NEDD9: variants seen among roughly 807,000 people sequenced by gnomAD.
NEDD9 encodes the protein enhancer of filamentation 1.
In NEDD9, 26 loss-of-function variants were observed where a neutral mutation model predicts 76.6. The ratio of observed to expected loss-of-function variants is 0.34; its 90% CI spans 0.25 to 0.47. NEDD9 has a LOEUF of 0.47. NEDD9 is among the 20% of genes least tolerant of loss of function. The probability of loss-of-function intolerance (pLI) is 1.00; values close to 1 mark genes in which losing one functional copy is unlikely to be tolerated. For missense variants in NEDD9, 937 were observed against 1,058.5 expected (o/e 0.89, Z 1.59); for synonymous variants, 392 against 414.2 (o/e 0.95, Z 0.65).
chr6:11,265,408 G>A (rs1019245618), intron 3 of NEDD9, among the ~76,000 whole-genome samples: 4 of 152,166 alleles, frequency 2.6e-5, no homozygotes, highest in Non-Finnish European at 1.5e-5. Context: ...CTTGAATATT[G>A]CTACAGTATT....
chr6:11,199,298 A>G (rs1758367527), intron 2 of NEDD9: 1 of 152,224 alleles, frequency 6.6e-6, no homozygotes, highest in Non-Finnish European at 1.5e-5. Flanking sequence ...GTAATTGACA[A>G]ACAGAAGCTG....
intron 3 of NEDD9, among the ~76,000 whole-genome samples, chr6:11,287,099 C>T (rs4713339): frequency 0.12 from 18,328 of 152,052 alleles, 1,663 homozygotes; most frequent in African/African-American, 0.25. Flanking sequence ...TGTAGTTTAT[C>T]GTATGTCAGT....
chr6:11,297,913 T>TTC (rs974411054), intron 3 of NEDD9, among the ~76,000 whole-genome samples: 2 of 148,360 alleles, frequency 1.3e-5, no homozygotes, highest in Admixed American at 6.7e-5. Context: ...TTTCTTTTCT[T>TTC]TTTTTTTTTT....
chr6:11,209,085 C>T (rs1758696618), intron 2 of NEDD9, among the ~76,000 whole-genome samples: 1 of 152,166 alleles, frequency 6.6e-6, no homozygotes, highest in South Asian at 2.1e-4. Flanking sequence ...ATATAACCTA[C>T]ATACTGTTTT....
intron 1 of NEDD9, among the ~76,000 whole-genome samples, chr6:11,381,380 A>T (rs183341560): frequency 1.3e-5 from 2 of 152,260 alleles, no homozygotes; most frequent in East Asian, 3.9e-4. Flanking sequence ...ATTATGTATA[A>T]CCCTTTCAGA....
At chr6:11,322,257 T>C (rs562056136) in intron 2 of NEDD9, among the ~76,000 whole-genome samples, 19 of 152,120 alleles carry the variant, frequency 1.2e-4, no homozygotes, top group Admixed American at 3.9e-4. Flanking sequence ...GACGGGTTGA[T>C]AGGTGCAGCA....
chr6:11,328,296 G>C (rs1002424098), intron 2 of NEDD9, among the ~76,000 whole-genome samples: 2 of 152,174 alleles, frequency 1.3e-5, no homozygotes, highest in African/African-American at 2.4e-5. Flanking sequence ...AATGTCAAAA[G>C]TATCTCCACT....
chr6:11,305,289 T>A (rs546567838), intron 3 of NEDD9: 50 of 474,458 alleles, frequency 1.1e-4, no homozygotes, highest in African/African-American at 9.6e-4. Context: ...CACCATTTTA[T>A]AAACACAGAA....
intron 1 of NEDD9, among the ~76,000 whole-genome samples, chr6:11,377,498 G>A (rs1762987692): frequency 6.6e-6 from 1 of 152,220 alleles, no homozygotes; most frequent in South Asian, 2.1e-4. Context: ...ACCCTGCTAG[G>A]TTTCAGATTT....
chr6:11,212,956 C>T (rs1355720836), intron 2 of NEDD9, among the ~76,000 whole-genome samples: 5 of 152,252 alleles, frequency 3.3e-5, no homozygotes, highest in South Asian at 2.1e-4. Flanking sequence ...AGATAGGAAA[C>T]GATCTGAGCA....
chr6:11,232,432 C>T (rs1561799959), intron 1 of NEDD9, 72 bp downstream of exon 1: 11 of 1,573,442 alleles, frequency 7.0e-6, no homozygotes, highest in Non-Finnish European at 7.9e-6. Context: ...GTAAGGAACA[C>T]GCATACACAA....
At chr6:11,380,981 T>C (rs1582059312) in intron 1 of NEDD9, among the ~76,000 whole-genome samples, 1 of 152,248 alleles carries the variant, frequency 6.6e-6, no homozygotes, top group East Asian at 1.9e-4. Flanking sequence ...GCTATCTTGT[T>C]TAAGTGGTGA....
intron 2 of NEDD9, among the ~76,000 whole-genome samples, chr6:11,309,809 C>T (rs566979352): frequency 1.3e-5 from 2 of 152,166 alleles, no homozygotes; most frequent in South Asian, 2.1e-4. Context: ...CTGCTAATAA[C>T]ATCAGTAGAG....
intron 3 of NEDD9, among the ~76,000 whole-genome samples, chr6:11,271,244 C>T (rs529563180): frequency 1.3e-5 from 2 of 152,144 alleles, no homozygotes; most frequent in Admixed American, 6.6e-5. Flanking sequence ...ATTTTGTTGC[C>T]CAGGCTGGTC....
At position 11,184,125 on chromosome 6, in the gene NEDD9, C is replaced by T. The variant is rs1757917802; in HGVS notation, c.*1037G>A. 1 of 152,124 alleles carries T rather than the reference C, an allele frequency of 6.6e-6. No individual in the cohort carries two copies. Among genetic ancestry groups the T allele is most frequent in the South Asian group, 2.1e-4 (1 of 4,820 alleles). The allele number at this position is 152,124 out of a possible 1,614,324, so 9.4% of individuals were successfully genotyped here. The stretch of plus-strand genomic sequence containing the variant: ...GAAGGTGCAAGATAGCAATAAATTC[C>T]CTTAGAGAGCAGGATATGTCCTGGT... On this transcript the variant is annotated 3_prime_UTR_variant, in exon 7 of 7. Coordinates refer to ENST00000379446, the MANE Select transcript of NEDD9 (RefSeq NM_006403.4).
At position 11,188,342 on chromosome 6, in the gene NEDD9, A is replaced by G. The variant is rs758087209; in HGVS notation, c.1906-35T>C. On this transcript the variant is annotated intron_variant, in intron 5 of 6. Transcript: ENST00000379446. Reference sequence around the variant, plus strand: ...TTCAACATAAAGAACATATTATGTCATCACTGTGATTCACTTATGCTAACA... The same window carrying G: ...TTCAACATAAAGAACATATTATGTCGTCACTGTGATTCACTTATGCTAACA... 6.8e-6 allele frequency: 10 copies of G among 1,471,138 alleles called. No individual in the cohort carries two copies. The East Asian group carries it at 2.0e-4, about 30-fold the overall frequency. The allele number at this position is 1,471,138 out of a possible 1,614,324, so 91.1% of individuals were successfully genotyped here. A position where few individuals can be genotyped will look rare whatever the true frequency, so the allele number is the denominator to read the frequency against.
intron 2 of NEDD9, among the ~76,000 whole-genome samples, chr6:11,206,926 G>T (rs1758633935): frequency 6.6e-6 from 1 of 152,194 alleles, no homozygotes; most frequent in Non-Finnish European, 1.5e-5. Context: ...ATTTTAGATG[G>T]CAAGTACAGT....
chr6:11,194,945 G>C (rs1236960832), intron 2 of NEDD9, among the ~76,000 whole-genome samples: 3 of 152,158 alleles, frequency 2.0e-5, no homozygotes, highest in Non-Finnish European at 2.9e-5. Flanking sequence ...TTGAGTCATT[G>C]AGTGCCCATC....
At chr6:11,349,529 A>G (rs1762424838) in intron 1 of NEDD9, among the ~76,000 whole-genome samples, 1 of 152,230 alleles carries the variant, frequency 6.6e-6, no homozygotes, top group Non-Finnish European at 1.5e-5. Flanking sequence ...CACAATGGCC[A>G]TCAATGATAG....
Sources: allele counts gnomAD v4.1 joint callset (sites outside exome capture counted in the v4.1 genomes callset), GRCh38; gene constraint gnomAD v4.1.1; transcripts MANE v1.5; gene names NCBI Gene and HGNC (gene_info 2026-07-23, HGNC 2026-07-21).